INTS11: variants seen among roughly 807,000 people sequenced by gnomAD.
The protein encoded by INTS11 is integrator complex subunit 11, also known as CPSF3-like protein.
A neutral mutation model predicts 78.6 loss-of-function variants in INTS11; 77 were observed. The ratio of observed to expected loss-of-function variants is 0.98; its 90% CI spans 0.81 to 1.18. The LOEUF is 1.18. INTS11 is among the 50% of genes most tolerant of loss of function. INTS11 has a pLI of 0.00. For synonymous variants in INTS11, 441 were observed against 326.9 expected (o/e 1.35, Z -3.77); for missense variants, 875 against 825.9 (o/e 1.06, Z -0.73).
Position 1,312,256 on chromosome 1 carries a change from G to A in INTS11, c.1577C>T (p.Thr526Met), listed in dbSNP as rs764339825. 142 of 1,539,258 alleles carry A rather than the reference G, an allele frequency of 9.2e-5. 2 individuals are homozygous for A. The highest frequency in any genetic ancestry group is 4.2e-4 in the Middle Eastern group (2 of 4,706). Residue 526 changes from threonine to methionine, a missense_variant, in exon 15 of 17, where the codon ACG becomes ATG. Physicochemically the swap from Thr to Met is moderately conservative, Grantham distance 81. Transcript: ENST00000435064. Reference protein sequence around the residue: ...HLHDTRKEQETALRVYSHLKS... With the variant: ...HLHDTRKEQEMALRVYSHLKS... ...GAGGTGGCTGTAGACGCGCAATGCC[G>A]TCTCCTGCTCCTTGCGTGTGTCATG...
rs1258248515 is a variant in INTS11 at position 1,318,705 on chromosome 1, C to T, written c.429+591G>A. 4 of 462,292 alleles carry T rather than the reference C, an allele frequency of 8.7e-6. No individual in the cohort carries two copies. In the East Asian group the frequency reaches 1.4e-4, roughly 16 times the overall value. The allele number at this position is 462,292 out of a possible 1,614,324, so 28.6% of individuals were successfully genotyped here. ...AAAAGATAAACATACTTCATTTTGA[C>T]AAGTTCAATCAGAAAATTAAATGTT... is the stretch of plus-strand genomic sequence containing the variant. On this transcript the variant is annotated intron_variant, in intron 4 of 16. Coordinates refer to ENST00000435064, the MANE Select transcript of INTS11 (RefSeq NM_017871.6).
intron 4 of INTS11, 179 bp downstream of exon 4, chr1:1,319,117 G>A (rs1642793166): frequency 1.3e-6 from 1 of 779,304 alleles, no homozygotes; most frequent in African/African-American, 1.7e-5. Flanking sequence ...AGTCTGGTCT[G>A]GGACCCGCAT....
At position 1,312,741 on chromosome 1, in the gene INTS11, C is replaced by T. The variant is rs1227838004; in HGVS notation, c.1295-41G>A. 1.0e-5 allele frequency: 16 copies of T among 1,591,884 alleles called. 1 individual carries two copies. Among genetic ancestry groups the T allele is most frequent in the South Asian group, 5.6e-5 (5 of 89,054 alleles). ...AGAGAGAGCCTCAGCCCAGGCTGCCCGTGCTGACCCGAGGTGGGCCCCACG... is the reference window on the plus strand; with the variant it reads ...AGAGAGAGCCTCAGCCCAGGCTGCCTGTGCTGACCCGAGGTGGGCCCCACG... On this transcript the variant is annotated intron_variant, in intron 12 of 16. Transcript: ENST00000435064.
intron 1 of INTS11, among the ~76,000 whole-genome samples, 165 bp downstream of exon 1, chr1:1,324,416 C>G (rs1355975958): frequency 6.6e-6 from 1 of 152,158 alleles, no homozygotes; most frequent in African/African-American, 2.4e-5. Context: ...GGTGCAGGGA[C>G]TAGGCCGCCT....
chr1:1,320,426 G>A, intron 3 of INTS11, 30 bp downstream of exon 3: 1 of 1,608,386 alleles, frequency 6.2e-7, no homozygotes, highest in South Asian at 1.1e-5. Flanking sequence ...CACAGACATG[G>A]GACCCTCAAG....
Position 1,312,206 on chromosome 1 carries a change from G to GGA in INTS11, c.1607+19_1607+20insTC, listed in dbSNP as rs1553166777. ...TCCAGGGCCCAAGGGAGTGGGGGGG[G>GGA]GGCGGGGCCGGGCGCCCACCTCTTG... On this transcript the variant is annotated intron_variant, in intron 15 of 16. Coordinates refer to ENST00000435064, the MANE Select transcript of INTS11 (RefSeq NM_017871.6). 6 of 1,161,216 alleles carry GGA rather than the reference G, an allele frequency of 5.2e-6. No individual in the cohort carries two copies. Among genetic ancestry groups the GGA allele is most frequent in the Non-Finnish European group, 7.3e-6 (6 of 826,256 alleles). 71.9% of individuals were successfully genotyped at this position (1,161,216 alleles called of 1,614,324 possible).
Position 1,312,213 on chromosome 1 carries a change from G to GGGGGGGGGGCCCCCCCCCCCCC in INTS11, c.1607+12_1607+13insGGGGGGGGGGGGGCCCCCCCCC. ...CCCAAGGGAGTGGGGGGGGGGCGGG[G>GGGGGGGGGGCCCCCCCCCCCCC]CCGGGCGCCCACCTCTTGAGGTGGC... On this transcript the variant is annotated intron_variant, in intron 15 of 16. Transcript: ENST00000435064. 2 of 934,586 alleles carry GGGGGGGGGGCCCCCCCCCCCCC rather than the reference G, an allele frequency of 2.1e-6. No individual in the cohort carries two copies. Among genetic ancestry groups the GGGGGGGGGGCCCCCCCCCCCCC allele is most frequent in the Non-Finnish European group, 1.6e-6 (1 of 636,646 alleles). 57.9% of individuals were successfully genotyped at this position (934,586 alleles called of 1,614,324 possible). A position where few individuals can be genotyped will look rare whatever the true frequency, so the allele number is the denominator to read the frequency against.
intron 4 of INTS11, among the ~76,000 whole-genome samples, chr1:1,318,427 G>A (rs1015375199): frequency 6.6e-6 from 1 of 152,112 alleles, no homozygotes; most frequent in Non-Finnish European, 1.5e-5. Flanking sequence ...AGAGGCTGAG[G>A]TGGGAGGATC....
At chr1:1,317,569 T>C in intron 4 of INTS11, 1 of 378,840 alleles carries the variant, frequency 2.6e-6, no homozygotes. Flanking sequence ...TCGGGGTCCC[T>C]GGAGGAGCAG....
intron 4 of INTS11, chr1:1,316,570 G>C (rs930158226): frequency 6.7e-6 from 1 of 148,878 alleles, no homozygotes; most frequent in African/African-American, 2.5e-5. Context: ...TGGGCAACAA[G>C]AGCGAGAGTG....
At chr1:1,318,583 G>A (rs1423727520) in intron 4 of INTS11, 7 of 294,806 alleles carry the variant, frequency 2.4e-5, no homozygotes, top group East Asian at 1.8e-4. Context: ...ACCTCAACCC[G>A]GGAGGCCGAG....
At chr1:1,318,703 G>A (rs1057513318) in intron 4 of INTS11, 2 of 461,200 alleles carry the variant, frequency 4.3e-6, no homozygotes, top group African/African-American at 4.1e-5. Flanking sequence ...ACTTCATTTT[G>A]ACAAGTTCAA....
At chr1:1,312,170 C>G in intron 15 of INTS11, 23 bp from the exon 16 acceptor site, 4 of 1,503,018 alleles carry the variant, frequency 2.7e-6, no homozygotes, top group Non-Finnish European at 3.6e-6. Flanking sequence ...TCGGTGAGAC[C>G]CTGCCTGGCC....
intron 4 of INTS11, chr1:1,316,535 G>A (rs1642619839): frequency 6.6e-6 from 1 of 152,168 alleles, no homozygotes; most frequent in African/African-American, 2.4e-5. Context: ...GCAGTGAGCT[G>A]AGATTGTGCC....
Position 1,321,048 on chromosome 1 carries a change from G to A in INTS11, c.74C>T (p.Ala25Val), listed in dbSNP as rs769514290. Reference protein sequence around the residue: ...VGRSCILVSIAGKNVMLDCGM... With the variant: ...VGRSCILVSIVGKNVMLDCGM... ...ACAGTCCAGCATGACATTCTTGCCCGCAATGGAGACCAGGATGCAGCTTCG... is the reference window on the plus strand; with the variant it reads ...ACAGTCCAGCATGACATTCTTGCCCACAATGGAGACCAGGATGCAGCTTCG... Residue 25 changes from alanine (A) to valine (V), a missense_variant, in exon 2 of 17, where the codon GCG becomes GTG. Transcript: ENST00000435064. The A allele has an allele frequency of 3.2e-5, 52 of 1,612,984 alleles. No homozygotes were observed. The highest frequency in any genetic ancestry group is 1.9e-4 in the South Asian group (17 of 91,084).
chr1:1,312,400 C>A, intron 14 of INTS11, 32 bp from the exon 15 acceptor site: 1 of 1,564,982 alleles, frequency 6.4e-7, no homozygotes, highest in Non-Finnish European at 8.7e-7. Context: ...GTGAGCGCAG[C>A]AGCGGCCCTC....
At chr1:1,323,026 G>A (rs1201925238) in intron 1 of INTS11, 2 of 1,412,100 alleles carry the variant, frequency 1.4e-6, no homozygotes, top group African/African-American at 1.4e-5. Context: ...GAAAGGGGCA[G>A]GCTGGGAGGA....
chr1:1,324,400 G>A (rs1475845125), intron 1 of INTS11, among the ~76,000 whole-genome samples, 181 bp downstream of exon 1: 3 of 152,138 alleles, frequency 2.0e-5, no homozygotes, highest in East Asian at 3.9e-4. Context: ...ACTGCCGGAG[G>A]CCCGGGGTGC....
Position 1,315,528 on chromosome 1 carries a change from C to CTGTG in INTS11, c.519_520insCACA (p.Val174HisfsTer6). On this transcript the variant is annotated frameshift_variant, in exon 5 of 17. Transcript: ENST00000435064. LOFTEE classifies it high-confidence loss of function. ...CAAGCCCTTCCACTGACCGTGTAGA[C>CTGTG]CACAGACTCTGAGCCCACTTTAATC... The CTGTG allele has an allele frequency of 6.2e-7, 1 of 1,612,812 alleles. No homozygotes were observed. Among genetic ancestry groups the CTGTG allele is most frequent in the South Asian group, 1.1e-5 (1 of 91,016 alleles).
Sources: allele counts gnomAD v4.1 joint callset (sites outside exome capture counted in the v4.1 genomes callset), GRCh38; gene constraint gnomAD v4.1.1; transcripts MANE v1.5; gene names NCBI Gene and HGNC (gene_info 2026-07-23, HGNC 2026-07-21).